The following DISC1 variants were observed in gnomAD, a reference collection of about 807,000 sequenced individuals.
The protein encoded by DISC1 is DISC1 scaffold protein.
DISC1 carries 57 observed loss-of-function variants against 84.5 expected under a neutral mutation model. The observed-to-expected ratio is 0.67, with a 90% CI of 0.55 to 0.84. The LOEUF (loss-of-function observed/expected upper bound fraction) is 0.84. Among genes scored for constraint, DISC1 ranks in the 40% least tolerant of loss-of-function variants. The probability of loss-of-function intolerance (pLI) is 0.00; values close to 1 mark genes in which losing one functional copy is unlikely to be tolerated. For synonymous variants in DISC1, 411 were observed against 415.2 expected (o/e 0.99, Z 0.12); for missense variants, 1,000 against 1,057.8 (o/e 0.95, Z 0.76).
rs573448684 is a variant in DISC1, at chr1:231,910,326, C to T, written c.1982-48502C>T. ...TGTGGGCATGTAGTGCTATAAATTT[C>T]CCTCTACACACTGCTTTAAATGTGT... is the stretch of plus-strand genomic sequence containing the variant. On this transcript the variant is annotated intron_variant, in intron 9 of 12. Coordinates refer to ENST00000439617, the MANE Select transcript of DISC1 (RefSeq NM_018662.3). Among the ~76,000 whole-genome samples the T allele has an allele frequency of 2.6e-5, 4 of 152,240 alleles. No individual in the cohort carries two copies. The South Asian group carries it at 8.3e-4, about 32-fold the overall frequency.
At chr1:231,691,180 C>T (rs564304639) in intron 1 of DISC1, among the ~76,000 whole-genome samples, 1 of 152,242 alleles carries the variant, frequency 6.6e-6, no homozygotes, top group East Asian at 1.9e-4. Flanking sequence ...ACTGTAATGC[C>T]AGCACTTTGA....
chr1:231,755,382 G>T (rs1333402204), intron 4 of DISC1, among the ~76,000 whole-genome samples: 1 of 151,386 alleles, frequency 6.6e-6, no homozygotes. Flanking sequence ...TTCTGTTCTA[G>T]CTTTTCCTCT....
intron 9 of DISC1, among the ~76,000 whole-genome samples, chr1:231,903,114 T>A (rs1289538682): frequency 6.6e-6 from 1 of 150,896 alleles, no homozygotes; most frequent in Non-Finnish European, 1.5e-5. Flanking sequence ...TAGGCTGGAG[T>A]GCAGTGGTGC....
intron 9 of DISC1, among the ~76,000 whole-genome samples, chr1:231,865,865 C>CA (rs2085020496): frequency 6.6e-6 from 1 of 152,190 alleles, no homozygotes; most frequent in Non-Finnish European, 1.5e-5. Flanking sequence ...GAAGATATGG[C>CA]AGCTTAGGAA....
intron 4 of DISC1, among the ~76,000 whole-genome samples, chr1:231,765,141 T>C (rs751342179): frequency 1.5e-5 from 2 of 135,946 alleles, no homozygotes; most frequent in Non-Finnish European, 3.0e-5. Flanking sequence ...AGTGAGCCAA[T>C]ATCATGCCAC....
chr1:231,752,550 T>A (rs2074722840), intron 4 of DISC1, among the ~76,000 whole-genome samples: 1 of 152,154 alleles, frequency 6.6e-6, no homozygotes, highest in African/African-American at 2.4e-5. Flanking sequence ...ACACTTGGGA[T>A]TACAATTTCA....
In DISC1 at chr1:231,902,171, G is replaced by A. The variant is rs563768295; in HGVS notation, c.1982-56657G>A. Among the ~76,000 whole-genome samples, 8 of 152,212 alleles carry A rather than the reference G, an allele frequency of 5.3e-5. No homozygotes were observed. In the South Asian group the frequency reaches 1.2e-3, roughly 24 times the overall value. ...GCCTCTTGACTGGCACAGATGCAACGTATGGGCACCACAGAGGCTAGCAGT... is the reference window on the plus strand; with the variant it reads ...GCCTCTTGACTGGCACAGATGCAACATATGGGCACCACAGAGGCTAGCAGT... On this transcript the variant is annotated intron_variant, in intron 9 of 12. Coordinates refer to ENST00000439617, the MANE Select transcript of DISC1 (RefSeq NM_018662.3).
intron 1 of DISC1, among the ~76,000 whole-genome samples, chr1:231,693,100 TTAAG>T (rs1370515394): frequency 1.3e-5 from 2 of 152,128 alleles, no homozygotes. Flanking sequence ...CACAGAGAGG[TTAAG>T]TAACTTGTGG....
intron 3 of DISC1, among the ~76,000 whole-genome samples, chr1:231,732,596 T>C (rs953001670): frequency 2.0e-5 from 3 of 152,226 alleles, no homozygotes; most frequent in African/African-American, 7.2e-5. Flanking sequence ...TCGATGTGTG[T>C]CCTTTTTGAC....
intron 9 of DISC1, among the ~76,000 whole-genome samples, chr1:231,936,463 C>G (rs566601589): frequency 6.6e-6 from 1 of 152,134 alleles, no homozygotes; most frequent in East Asian, 1.9e-4. Context: ...CTACCCACAC[C>G]GTGAAAAATA....
intron 3 of DISC1, chr1:231,722,584 G>A: frequency 6.2e-7 from 1 of 1,614,162 alleles, no homozygotes; most frequent in Non-Finnish European, 8.5e-7. Context: ...TCGACATCCT[G>A]AACCAAACTC....
intron 9 of DISC1, among the ~76,000 whole-genome samples, chr1:231,860,827 C>G (rs918175163): frequency 1.3e-5 from 2 of 152,194 alleles, no homozygotes; most frequent in Non-Finnish European, 2.9e-5. Context: ...CTGATTCATT[C>G]CTTGAATTGG....
intron 6 of DISC1, among the ~76,000 whole-genome samples, chr1:231,776,077 C>T (rs531708269): frequency 6.6e-6 from 1 of 152,290 alleles, no homozygotes; most frequent in African/African-American, 2.4e-5. Context: ...CAGCTCCTCT[C>T]TGTCTAGCAC....
intron 3 of DISC1, among the ~76,000 whole-genome samples, chr1:231,712,146 G>A (rs1258255714): frequency 6.6e-6 from 1 of 152,218 alleles, no homozygotes; most frequent in Non-Finnish European, 1.5e-5. Context: ...AGCTGGAAGA[G>A]ACAAGGACAG....
At chr1:231,690,506 C>A (rs937140472) in intron 1 of DISC1, among the ~76,000 whole-genome samples, 3 of 152,182 alleles carry the variant, frequency 2.0e-5, no homozygotes, top group Admixed American at 2.0e-4. Context: ...AACCTCCTTC[C>A]GGAGCTGATT....
chr1:231,973,890 A>G (rs1193646213), intron 10 of DISC1, among the ~76,000 whole-genome samples: 2 of 152,222 alleles, frequency 1.3e-5, no homozygotes, highest in Non-Finnish European at 2.9e-5. Flanking sequence ...CCAGCTGTTT[A>G]AGCATTGGCA....
In DISC1 at chr1:231,897,703, G is replaced by T. The variant is rs569292184; in HGVS notation, c.1982-61125G>T. On this transcript the variant is annotated intron_variant, in intron 9 of 12. Coordinates refer to ENST00000439617, the MANE Select transcript of DISC1 (RefSeq NM_018662.3). The surrounding 1 kb of genome is among the most constrained non-coding windows in gnomAD (Gnocchi z 4.5). ...GCTGTTGTAGTAACAGGGCCTCCTGGTGCATTGAAACACCTGGTTTACTTC... is the reference window on the plus strand; with the variant it reads ...GCTGTTGTAGTAACAGGGCCTCCTGTTGCATTGAAACACCTGGTTTACTTC... Among the ~76,000 whole-genome samples the T allele has an allele frequency of 6.6e-6, 1 of 152,238 alleles. No homozygotes were observed. The highest frequency in any genetic ancestry group is 2.4e-5 in the African/African-American group (1 of 41,540).
chr1:232,024,291 T>C (rs1669241707), intron 11 of DISC1, among the ~76,000 whole-genome samples: 1 of 152,194 alleles, frequency 6.6e-6, no homozygotes, highest in Admixed American at 6.5e-5. Context: ...TTCTTCAGTA[T>C]ACTAGACTTC....
chr1:231,643,167 C>A (rs547022311), intron 1 of DISC1, among the ~76,000 whole-genome samples: 16 of 152,240 alleles, frequency 1.1e-4, no homozygotes, highest in South Asian at 2.1e-4. Context: ...GTCAAAGGCC[C>A]TTCAGTGCAG....
Sources: allele counts gnomAD v4.1 joint callset (sites outside exome capture counted in the v4.1 genomes callset), GRCh38; gene constraint gnomAD v4.1.1; non-coding constraint Gnocchi (gnomAD v3.1); transcripts MANE v1.5; gene names NCBI Gene and HGNC (gene_info 2026-07-23, HGNC 2026-07-21).